The following ASPRV1 variants were observed in gnomAD, a reference collection of about 807,000 sequenced individuals.
ASPRV1 encodes aspartic peptidase retroviral like 1, also known as retroviral-like aspartic protease 1.
Under a neutral mutation model 11.0 loss-of-function variants are expected in ASPRV1, and 7 were observed. That is an observed-to-expected ratio of 0.64 (90% confidence interval 0.36 to 1.20). The LOEUF is 1.20. ASPRV1 is among the 50% of genes most tolerant of loss of function. ASPRV1 has a pLI of 0.02. For synonymous variants in ASPRV1, 136 were observed against 138.4 expected (o/e 0.98, Z 0.12); for missense variants, 299 against 320.0 (o/e 0.93, Z 0.50).
chr2:70,068,224 T>G, the ASPRV1 span, among the ~76,000 whole-genome samples: 1 of 152,242 alleles, frequency 6.6e-6, no homozygotes, highest in Non-Finnish European at 1.5e-5. Context: ...GCTGGCCTCC[T>G]GGCCAGCAGA....
At chr2:69,956,715 C>T (rs72910661), downstream of ASPRV1, among the ~76,000 whole-genome samples, 1,973 of 152,118 alleles carry the variant, frequency 0.013, 40 homozygotes, top group South Asian at 0.037. Context: ...TTACTCATGA[C>T]GGGGGTAAAA....
At chr2:70,020,868 G>A in the ASPRV1 span, among the ~76,000 whole-genome samples, 1 of 152,040 alleles carries the variant, frequency 6.6e-6, no homozygotes, top group Non-Finnish European at 1.5e-5. Context: ...GGGAGAATAG[G>A]GAGTTTTCAT....
At chr2:70,058,496 C>T in the ASPRV1 span, among the ~76,000 whole-genome samples, 1 of 152,184 alleles carries the variant, frequency 6.6e-6, no homozygotes, top group African/African-American at 2.4e-5. Flanking sequence ...CCTGTGTCAG[C>T]CTACCAAAGT....
At chr2:70,029,684 A>T in the ASPRV1 span, among the ~76,000 whole-genome samples, 1 of 152,186 alleles carries the variant, frequency 6.6e-6, no homozygotes, top group Non-Finnish European at 1.5e-5. Flanking sequence ...AGTGGAGGAC[A>T]TCAGATTCAA....
the ASPRV1 span, chr2:70,002,979 G>A: frequency 6.6e-6 from 1 of 152,330 alleles, no homozygotes; most frequent in South Asian, 2.1e-4. Flanking sequence ...GTGACAGACG[G>A]TTTGTTCATT....
chr2:69,963,902 GC>G (rs1388944872), upstream of ASPRV1, among the ~76,000 whole-genome samples: 1 of 152,192 alleles, frequency 6.6e-6, no homozygotes, highest in Non-Finnish European at 1.5e-5. Flanking sequence ...TAGCATAGGC[GC>G]CGGGGGCAGG....
chr2:70,028,624 G>A, the ASPRV1 span: 1 of 152,168 alleles, frequency 6.6e-6, no homozygotes, highest in African/African-American at 2.4e-5. Flanking sequence ...TTGAGAGGTA[G>A]GATCTTTAAG....
the ASPRV1 span, among the ~76,000 whole-genome samples, chr2:70,068,618 A>C: frequency 6.6e-6 from 1 of 152,112 alleles, no homozygotes; most frequent in Non-Finnish European, 1.5e-5. Context: ...CAAATGAGGA[A>C]AGATGAAGGC....
At chr2:69,937,110 T>G in the ASPRV1 span, 1 of 1,240,246 alleles carries the variant, frequency 8.1e-7, no homozygotes, top group Non-Finnish European at 1.2e-6. Flanking sequence ...AGAAGCTTGA[T>G]GAGTGGCACC....
the ASPRV1 span, among the ~76,000 whole-genome samples, chr2:70,021,592 AC>A: frequency 6.6e-6 from 1 of 152,102 alleles, no homozygotes; most frequent in African/African-American, 2.4e-5. Context: ...TGCTGGGATT[AC>A]AGGTGTGAGC....
chr2:69,944,694 C>CTTA, the ASPRV1 span, among the ~76,000 whole-genome samples: 78,595 of 151,678 alleles, frequency 0.52, 21,144 homozygotes, highest in African/African-American at 0.67. Context: ...TGGAGGGGAC[C>CTTA]TTATATTCCA....
At chr2:70,012,958 T>G in the ASPRV1 span, among the ~76,000 whole-genome samples, 2 of 152,248 alleles carry the variant, frequency 1.3e-5, no homozygotes, top group Admixed American at 6.5e-5. Context: ...TGTTGCCAAC[T>G]GTAAAATTTG....
chr2:70,021,772 G>T, the ASPRV1 span, among the ~76,000 whole-genome samples: 1 of 150,736 alleles, frequency 6.6e-6, no homozygotes, highest in African/African-American at 2.4e-5. Flanking sequence ...GCACGATCTC[G>T]GCTCACTGCA....
the ASPRV1 span, among the ~76,000 whole-genome samples, chr2:70,080,534 C>T: frequency 6.6e-6 from 1 of 151,958 alleles, no homozygotes; most frequent in African/African-American, 2.4e-5. Context: ...GCCACCCCTT[C>T]TTTTTTTTAT....
chr2:70,054,041 T>TA, the ASPRV1 span: 1 of 152,282 alleles, frequency 6.6e-6, no homozygotes, highest in Non-Finnish European at 1.5e-5. Flanking sequence ...GTTATAAAAA[T>TA]AAGAGGGCTC....
chr2:70,019,453 T>C, the ASPRV1 span, among the ~76,000 whole-genome samples: 1 of 152,204 alleles, frequency 6.6e-6, no homozygotes, highest in East Asian at 1.9e-4. Context: ...TGAAGAGATA[T>C]TCACACTCCC....
At chr2:70,082,433 G>A in the ASPRV1 span, among the ~76,000 whole-genome samples, 1,943 of 152,094 alleles carry the variant, frequency 0.013, 48 homozygotes, top group African/African-American at 0.045. Flanking sequence ...AAATTAGGCC[G>A]GGTGCGGTGG....
the ASPRV1 span, among the ~76,000 whole-genome samples, chr2:70,041,239 G>C: frequency 1.3e-5 from 2 of 152,210 alleles, no homozygotes; most frequent in Admixed American, 6.5e-5. Flanking sequence ...GGTCTCAAGA[G>C]GACCTAGTAA....
chr2:69,988,566 C>T, the ASPRV1 span: 2 of 337,994 alleles, frequency 5.9e-6, no homozygotes, highest in African/African-American at 2.1e-5. Flanking sequence ...TAGAGAGTTT[C>T]AGTGTGGGAA....
Sources: allele counts gnomAD v4.1 joint callset (sites outside exome capture counted in the v4.1 genomes callset), GRCh38; gene constraint gnomAD v4.1.1; transcripts MANE v1.5; gene names NCBI Gene and HGNC (gene_info 2026-07-23, HGNC 2026-07-21).